The following GBP3 variants were observed in gnomAD, a reference collection of about 807,000 sequenced individuals.
GBP3 encodes guanylate binding protein 3, also known as guanylate-binding protein 3.
GBP3 carries 55 observed loss-of-function variants against 62.4 expected under a neutral mutation model. That is an observed-to-expected ratio of 0.88 (90% CI 0.71 to 1.10). GBP3 has a LOEUF of 1.10. Among genes scored for constraint, GBP3 ranks in the 50% least tolerant of loss-of-function variants. The pLI, the probability that GBP3 is intolerant of heterozygous loss-of-function variation, is 0.00. For synonymous variants in GBP3, 208 were observed against 259.2 expected (o/e 0.80, Z 1.90); for missense variants, 605 against 690.6 (o/e 0.88, Z 1.39).
intron 8 of GBP3, among the ~76,000 whole-genome samples, chr1:89,009,812 A>C (rs865811719): frequency 1.3e-5 from 2 of 152,166 alleles, no homozygotes; most frequent in Non-Finnish European, 2.9e-5. Context: ...GCCCTCCTTG[A>C]GAGAGCAAAT....
chr1:89,007,746 A>G lies in GBP3; in HGVS notation c.1766T>C (p.Met589Thr), dbSNP rs777583048. ...KTLKKKTKRYMSHKLKI is the reference protein window; with the variant it reads ...KTLKKKTKRYTSHKLKI Reference sequence around the variant, plus strand: ...TGTTTAGATCTTTAGCTTATGCGACATATATCTCTTGGTTTTTTTTTTCAG... The same window carrying G: ...TGTTTAGATCTTTAGCTTATGCGACGTATATCTCTTGGTTTTTTTTTTCAG... The change falls in exon 11 of 11, where the codon ATG (methionine) becomes ACG (threonine). Residue 589 changes from methionine (M) to threonine (T), a missense_variant. Coordinates refer to ENST00000370481, the MANE Select transcript of GBP3 (RefSeq NM_018284.3). 2 of 1,612,588 alleles carry G rather than the reference A, an allele frequency of 1.2e-6. No individual in the cohort carries two copies. The highest frequency in any genetic ancestry group is 1.7e-5 in the Admixed American group (1 of 59,832).
At position 89,014,115 on chromosome 1, in the gene GBP3, T is replaced by A. The variant is rs143690907; in HGVS notation, c.593A>T (p.Glu198Val). The change falls in exon 5 of 11, where the codon GAG (glutamate) becomes GTG (valine). Residue 198 changes from glutamate (E) to valine (V), a missense_variant. Coordinates refer to ENST00000370481, the MANE Select transcript of GBP3 (RefSeq NM_018284.3). ...TAGCTTCAGGGAATACTCCAGGTAC[T>A]CATCTGGTGTGAGGGGTTGTCCATC... ...EADGQPLTPDEYLEYSLKLTQ... is the reference protein window; with the variant it reads ...EADGQPLTPDVYLEYSLKLTQ... 1.2e-6 allele frequency: 2 copies of A among 1,614,234 alleles called. No homozygotes were observed. Among genetic ancestry groups the A allele is most frequent in the East Asian group, 2.2e-5 (1 of 44,894 alleles).
At position 89,020,623 on chromosome 1, in the gene GBP3, G is replaced by A. The variant is rs748250538; in HGVS notation, c.99C>T (p.Ala33=). ...CCACCACCACCACAGGCTGTGTAAT[G>A]GCAGACAGGATTTTCAGAGCTTCTG... ...ANPEALKILS[A]ITQPVVVVAI... Residue 33 remains alanine (A), a synonymous_variant, in exon 2 of 11, where the codon GCC becomes GCT. Transcript: ENST00000370481. The A allele has an allele frequency of 1.9e-6, 3 of 1,614,194 alleles. No individual in the cohort carries two copies. Among genetic ancestry groups the A allele is most frequent in the Non-Finnish European group, 2.5e-6 (3 of 1,180,026 alleles).
intron 1 of GBP3, among the ~76,000 whole-genome samples, chr1:89,022,329 C>A (rs1190533587): frequency 1.3e-5 from 2 of 152,198 alleles, no homozygotes; most frequent in African/African-American, 2.4e-5. Flanking sequence ...ATTCAGCAAG[C>A]TCCATCACTG....
chr1:89,015,234 T>C, intron 3 of GBP3, 53 bp downstream of exon 3: 1 of 1,497,482 alleles, frequency 6.7e-7, no homozygotes, highest in Non-Finnish European at 8.9e-7. Context: ...AAATGGTGCT[T>C]AAAATATTCA....
At chr1:89,020,957 C>T (rs1028249288) in intron 1 of GBP3, among the ~76,000 whole-genome samples, 1 of 152,106 alleles carries the variant, frequency 6.6e-6, no homozygotes, top group African/African-American at 2.4e-5. Flanking sequence ...CTCTTGCAAC[C>T]TAGAACTTTC....
At chr1:89,012,804 G>C (rs1678639914) in intron 6 of GBP3, among the ~76,000 whole-genome samples, 1 of 137,052 alleles carries the variant, frequency 7.3e-6, no homozygotes, top group African/African-American at 2.5e-5. Flanking sequence ...TGTAGCAGTA[G>C]ATTGGGATTT....
chr1:89,012,445 G>A (rs956530196), intron 6 of GBP3, among the ~76,000 whole-genome samples: 16 of 138,924 alleles, frequency 1.2e-4, no homozygotes, highest in African/African-American at 3.7e-4. Flanking sequence ...GGAGCCCTCC[G>A]TTTGGTTTAT....
At position 89,009,547 on chromosome 1, in the gene GBP3, T is replaced by A. The variant is rs4142706; in HGVS notation, c.1363-53A>T. On this transcript the variant is annotated intron_variant, in intron 8 of 10. Transcript: ENST00000370481. ...AAGTAGGAAATGGCTGTAAGCAGGT[T>A]TTCCTGTTCTTCTGCCCACCATCTT... The A allele has an allele frequency of 5.0e-4, 805 of 1,604,194 alleles. 6 individuals carry two copies. In the African/African-American group the frequency reaches 9.3e-3, roughly 19 times the overall value.
intron 10 of GBP3, 102 bp from the exon 11 acceptor site, chr1:89,007,954 T>C (rs1188642244): frequency 3.9e-5 from 42 of 1,070,066 alleles, no homozygotes; most frequent in Non-Finnish European, 5.5e-5. Flanking sequence ...CTTAGTTTTT[T>C]TCTTGAAATT....
At chr1:89,022,401 T>C (rs762054027) in intron 1 of GBP3, among the ~76,000 whole-genome samples, 4 of 152,206 alleles carry the variant, frequency 2.6e-5, no homozygotes, top group Non-Finnish European at 4.4e-5. Flanking sequence ...AGAAAGACTA[T>C]CCTAGTGCAT....
At position 89,014,655 on chromosome 1, in the gene GBP3, C is replaced by A. The variant is rs551610904; in HGVS notation, c.320G>T (p.Gly107Val). Reference sequence around the variant, plus strand: ...GATCCAGGAGTCATTCTGGTTGTCACCCTGGAAGTCAAGACACACTGGAGT... The same window carrying A: ...GATCCAGGAGTCATTCTGGTTGTCAACCTGGAAGTCAAGACACACTGGAGT... ...DTEGLGDVKK[G>V]DNQNDSWIFT... The change falls in exon 4 of 11, where the codon GGT (glycine) becomes GTT (valine). Residue 107 changes from glycine to valine, a missense_variant and splice_region_variant. By Grantham distance (109) the Gly-to-Val change is moderately radical. Around this residue, in one of 3 missense-constraint regions of GBP3, gnomAD observed 308 missense variants for 318.0 expected, o/e 0.97. Transcript: ENST00000370481. 8 of 1,613,992 alleles carry A rather than the reference C, an allele frequency of 5.0e-6. No homozygotes were observed. In the African/African-American group the frequency reaches 6.7e-5, roughly 13 times the overall value.
At chr1:89,009,196 T>C in intron 9 of GBP3, 56 bp from the exon 10 acceptor site, 2 of 1,550,120 alleles carry the variant, frequency 1.3e-6, no homozygotes, top group South Asian at 1.1e-5. Flanking sequence ...CATTCTTAGT[T>C]ATACACTTAC....
Position 89,011,166 on chromosome 1 carries a change from G to T in GBP3, c.1150-50C>A. The T allele has an allele frequency of 1.4e-6, 2 of 1,457,838 alleles. 1 individual carries two copies. The highest frequency in any genetic ancestry group is 1.9e-6 in the Non-Finnish European group (2 of 1,053,010). 90.3% of individuals were successfully genotyped at this position (1,457,838 alleles called of 1,614,324 possible). A position where few individuals can be genotyped will look rare whatever the true frequency, so the allele number is the denominator to read the frequency against. On this transcript the variant is annotated intron_variant, in intron 7 of 10. Transcript: ENST00000370481. ...AAAGAGTAACAGGGAAAGGATGTTAGCTTGACCTCAGAATTTTGGGAAAGA... is the reference window on the plus strand; with the variant it reads ...AAAGAGTAACAGGGAAAGGATGTTATCTTGACCTCAGAATTTTGGGAAAGA...
At chr1:89,021,535 CA>C (rs1679208735) in intron 1 of GBP3, among the ~76,000 whole-genome samples, 1 of 144,040 alleles carries the variant, frequency 6.9e-6, no homozygotes, top group Admixed American at 6.9e-5. Flanking sequence ...CACACACACA[CA>C]CACACACACC....
chr1:89,019,490 G>T (rs1461199787), intron 2 of GBP3, among the ~76,000 whole-genome samples: 3 of 152,170 alleles, frequency 2.0e-5, no homozygotes, highest in African/African-American at 7.2e-5. Context: ...GTTTCTCCAT[G>T]TTGGTCAGGC....
intron 2 of GBP3, among the ~76,000 whole-genome samples, chr1:89,017,093 T>C (rs1570903247): frequency 6.6e-6 from 1 of 152,186 alleles, no homozygotes; most frequent in East Asian, 1.9e-4. Flanking sequence ...AGGCTCACAG[T>C]TTCTGAGTTC....
In GBP3 at chr1:89,013,393, G is replaced by A; in HGVS notation, c.660C>T (p.Pro220=). The change falls in exon 6 of 11, where the codon CCC becomes CCT. Residue 220 remains proline (P), a synonymous_variant. Transcript: ENST00000370481. The part of the protein sequence containing the change: ...TSQKDKNFNL[P]RLCIRKFFPK... ...GGAAGAACTTCCGGATACAGAGTCG[G>A]GGCAGATTAAAATTTTTATCTTTTT... is the stretch of plus-strand genomic sequence containing the variant. 6.2e-7 allele frequency: 1 copy of A among 1,612,306 alleles called. No individual in the cohort carries two copies. Among genetic ancestry groups the A allele is most frequent in the Non-Finnish European group, 8.5e-7 (1 of 1,179,466 alleles).
intron 2 of GBP3, among the ~76,000 whole-genome samples, chr1:89,018,996 C>A (rs868016548): frequency 3.9e-5 from 6 of 152,186 alleles, no homozygotes; most frequent in Non-Finnish European, 8.8e-5. Context: ...GAAATTAGAA[C>A]CCTTGTGCAT....
Sources: allele counts gnomAD v4.1 joint callset (sites outside exome capture counted in the v4.1 genomes callset), GRCh38; gene constraint gnomAD v4.1.1; regional missense constraint gnomAD v4.1.1; transcripts MANE v1.5; gene names NCBI Gene and HGNC (gene_info 2026-07-23, HGNC 2026-07-21).